The following MTAP variants were observed in gnomAD, a reference collection of about 807,000 sequenced individuals.
MTAP encodes methylthioadenosine phosphorylase, also known as S-methyl-5'-thioadenosine phosphorylase.
In MTAP, 33 loss-of-function variants were observed where a neutral mutation model predicts 33.6. The observed-to-expected ratio is 0.98, with a 90% CI of 0.74 to 1.31. MTAP has a LOEUF of 1.31. MTAP is among the 40% of genes most tolerant of loss of function. The pLI is 0.00. For synonymous variants in MTAP, 148 were observed against 125.7 expected (o/e 1.18, Z -1.19); for missense variants, 367 against 360.0 (o/e 1.02, Z -0.16).
At chr9:21,880,121 G>A (rs1817983078) in intron 1 of MTAP, among the ~76,000 whole-genome samples, 2 of 152,236 alleles carry the variant, frequency 1.3e-5, no homozygotes, top group South Asian at 4.1e-4. Context: ...TGGAGGTGGA[G>A]CTTTTAGAAA....
intron 1 of MTAP, among the ~76,000 whole-genome samples, chr9:21,804,012 C>T (rs1245148607): frequency 6.6e-6 from 1 of 152,184 alleles, no homozygotes; most frequent in Non-Finnish European, 1.5e-5. Flanking sequence ...TATAGAAGGC[C>T]TCTCCCCTGC....
intron 1 of MTAP, among the ~76,000 whole-genome samples, chr9:21,926,410 C>A (rs1440174279): frequency 6.6e-6 from 1 of 152,142 alleles, no homozygotes; most frequent in Non-Finnish European, 1.5e-5. Flanking sequence ...AGGCAGTAGT[C>A]CCAATACACC....
intron 1 of MTAP, among the ~76,000 whole-genome samples, chr9:21,902,181 C>T (rs1326682203): frequency 2.0e-5 from 3 of 152,180 alleles, no homozygotes; most frequent in Non-Finnish European, 4.4e-5. Context: ...AGGAAAGACA[C>T]ACTGAAGCAT....
intron 5 of MTAP, among the ~76,000 whole-genome samples, chr9:21,848,816 C>G (rs1825442179): frequency 6.6e-6 from 1 of 152,110 alleles, no homozygotes; most frequent in South Asian, 2.1e-4. Context: ...CACTCAACTA[C>G]AAAACTTAAA....
chr9:21,897,837 C>G (rs1240323949), intron 1 of MTAP, among the ~76,000 whole-genome samples: 1 of 152,116 alleles, frequency 6.6e-6, no homozygotes, highest in Non-Finnish European at 1.5e-5. Flanking sequence ...ATGCCATCCC[C>G]ATCAAGCTAC....
chr9:21,829,773 G>GA (rs1464901184), intron 4 of MTAP, among the ~76,000 whole-genome samples: 1 of 152,176 alleles, frequency 6.6e-6, no homozygotes, highest in African/African-American at 2.4e-5. Context: ...AGGGCGGGGG[G>GA]ACCAACCTCA....
At chr9:21,877,895 C>T (rs1826034249) in intron 1 of MTAP, among the ~76,000 whole-genome samples, 3 of 152,118 alleles carry the variant, frequency 2.0e-5, no homozygotes, top group Non-Finnish European at 2.9e-5. Context: ...GGAGGAGTCC[C>T]TCCTCCTCAG....
downstream of MTAP, among the ~76,000 whole-genome samples, chr9:21,940,678 T>C (rs1819123322): frequency 6.6e-6 from 1 of 151,852 alleles, no homozygotes; most frequent in African/African-American, 2.4e-5. Flanking sequence ...TAATGAAAAA[T>C]ACAATTTAGG....
At chr9:21,811,750 C>T in intron 1 of MTAP, 1 of 531,090 alleles carries the variant, frequency 1.9e-6, no homozygotes, top group East Asian at 5.5e-5. Flanking sequence ...CATCCATGCC[C>T]TCGCCCGTGT....
At chr9:21,892,585 A>G (rs531262310) in intron 1 of MTAP, 1 of 152,376 alleles carries the variant, frequency 6.6e-6, no homozygotes, top group African/African-American at 2.4e-5. Context: ...CTAAATATAT[A>G]TGCAGCCAAT....
At chr9:21,886,367 A>T (rs1818111150) in intron 1 of MTAP, among the ~76,000 whole-genome samples, 1 of 152,016 alleles carries the variant, frequency 6.6e-6, no homozygotes, top group Non-Finnish European at 1.5e-5. Context: ...TGTCAGATGC[A>T]TAGTTTTTGA....
intron 4 of MTAP, among the ~76,000 whole-genome samples, chr9:21,827,527 T>G (rs76534342): frequency 0.011 from 1,671 of 152,348 alleles, 31 homozygotes; most frequent in African/African-American, 0.038. Flanking sequence ...TTCAACCTAA[T>G]AAATAATGGG....
At chr9:21,848,486 G>T (rs561117674) in intron 5 of MTAP, among the ~76,000 whole-genome samples, 75 of 145,280 alleles carry the variant, frequency 5.2e-4, no homozygotes, top group African/African-American at 1.8e-3. Flanking sequence ...GTTAAAAAAG[G>T]TTCTAATTAT....
chr9:21,918,059 A>G (rs1367278852), intron 1 of MTAP, among the ~76,000 whole-genome samples: 1 of 149,696 alleles, frequency 6.7e-6, no homozygotes, highest in African/African-American at 2.5e-5. Context: ...AAGGCATAAG[A>G]GTGATTAATG....
chr9:21,849,817 A>G (rs1825469428), intron 5 of MTAP, among the ~76,000 whole-genome samples: 1 of 152,160 alleles, frequency 6.6e-6, no homozygotes, highest in African/African-American at 2.4e-5. Flanking sequence ...CCAAGTGGTG[A>G]CTCCAATTGC....
intron 1 of MTAP, among the ~76,000 whole-genome samples, chr9:21,918,440 T>C (rs1361861177): frequency 1.4e-5 from 2 of 148,084 alleles, no homozygotes; most frequent in East Asian, 4.0e-4. Context: ...TAAGAGAATA[T>C]TGGGTACAGT....
intron 1 of MTAP, among the ~76,000 whole-genome samples, chr9:21,904,811 A>G (rs917440870): frequency 5.3e-5 from 8 of 152,208 alleles, no homozygotes; most frequent in African/African-American, 1.9e-4. Context: ...TTGTAATTTT[A>G]TGGTGGAAAA....
At chr9:21,869,251 A>G (rs1825899659), downstream of MTAP, among the ~76,000 whole-genome samples, 1 of 151,948 alleles carries the variant, frequency 6.6e-6, no homozygotes, top group Admixed American at 6.6e-5. Flanking sequence ...AGTCCTCTTC[A>G]TTTCAGATTT....
chr9:21,927,638 A>G (rs922122885), intron 1 of MTAP, among the ~76,000 whole-genome samples: 5 of 152,206 alleles, frequency 3.3e-5, no homozygotes, highest in Non-Finnish European at 7.3e-5. Flanking sequence ...GGCTTTGTCA[A>G]GAATGGAGAT....
Sources: allele counts gnomAD v4.1 joint callset (sites outside exome capture counted in the v4.1 genomes callset), GRCh38; gene constraint gnomAD v4.1.1; transcripts MANE v1.5; gene names NCBI Gene and HGNC (gene_info 2026-07-23, HGNC 2026-07-21).